Variants in AP4M1 observed in about 807,000 individuals in gnomAD.
AP4M1 encodes the protein adaptor related protein complex 4 subunit mu 1, also known as AP-4 complex subunit mu-1.
Under a neutral mutation model 62.4 loss-of-function variants are expected in AP4M1, and 58 were observed. That is an observed-to-expected ratio of 0.93 (90% confidence interval 0.75 to 1.16). The LOEUF (loss-of-function observed/expected upper bound fraction) is 1.16, where lower values mean the gene tolerates loss of function less well. AP4M1 is among the 50% of genes most tolerant of loss of function. The probability of loss-of-function intolerance (pLI) is 0.00; values close to 1 mark genes in which losing one functional copy is unlikely to be tolerated. For synonymous variants in AP4M1, 290 were observed against 239.7 expected, an observed-to-expected ratio of 1.21 and a Z score of -1.94; for missense variants, 626 against 585.4, an observed-to-expected ratio of 1.07 and a Z score of -0.72.
upstream of AP4M1, chr7:100,100,919 G>A (rs1252609646): frequency 2.8e-6 from 3 of 1,056,230 alleles, no homozygotes; most frequent in Admixed American, 4.9e-5. Context: ...AAAGCGCGAA[G>A]GAAAGCGGGC....
chr7:100,107,405 A>C lies in AP4M1; in HGVS notation c.*523A>C. The stretch of plus-strand genomic sequence containing the variant: ...ACGATGCCGGGGGAGGAACTGGAGA[A>C]GGATGGGAGGTGGGGCCTCCTTTGC... On this transcript the variant is annotated 3_prime_UTR_variant, in exon 15 of 15. Coordinates refer to ENST00000359593, the MANE Select transcript of AP4M1 (RefSeq NM_004722.4). 6.2e-7 allele frequency: 1 copy of C among 1,604,326 alleles called. No homozygotes were observed. The highest frequency in any genetic ancestry group is 2.2e-5 in the East Asian group (1 of 44,654).
chr7:100,105,162 T>G lies in AP4M1; in HGVS notation c.727+64T>G, dbSNP rs534691439. On this transcript the variant is annotated intron_variant, in intron 9 of 14. Transcript: ENST00000359593. ...CATTGCCAGAGTTCATGGAGAGAAG[T>G]CAGACAGAGCCTCCCCTCTCCTTGC... The G allele has an allele frequency of 3.8e-5, 62 of 1,611,454 alleles. No homozygotes were observed. In the African/African-American group the frequency reaches 7.5e-4, roughly 19 times the overall value.
rs373162905 is a variant in AP4M1, at chr7:100,105,538, C to T, written c.928C>T (p.Arg310Trp). The stretch of plus-strand genomic sequence containing the variant: ...TGTGCAGTGGGACCGAGGCTCAGGC[C>T]GGTGAGACAATTTCCTGGGTTCTAG... ...PSVQWDRGSG[R>W]LQVYLKLRCD... The change falls in exon 11 of 15, where the codon CGG (arginine) becomes TGG (tryptophan). Residue 310 changes from arginine to tryptophan, a missense_variant and splice_region_variant. By Grantham distance (101) the Arg-to-Trp change is moderately radical. Coordinates refer to ENST00000359593, the MANE Select transcript of AP4M1 (RefSeq NM_004722.4). 24 of 1,612,382 alleles carry T rather than the reference C, an allele frequency of 1.5e-5. No homozygotes were observed. Among genetic ancestry groups the T allele is most frequent in the Middle Eastern group, 1.7e-4 (1 of 6,060 alleles).
In AP4M1 at chr7:100,106,023, G is replaced by A. The variant is rs1413232569; in HGVS notation, c.974+20G>A. ...AAAGAGGTAAGAGTGAGGCTGGCCT[G>A]GCTGAGTTCAGCTCTATGGGACGGA... On this transcript the variant is annotated intron_variant, in intron 12 of 14. Transcript: ENST00000359593. 6.2e-7 allele frequency: 1 copy of A among 1,613,952 alleles called. No individual in the cohort carries two copies. The highest frequency in any genetic ancestry group is 8.5e-7 in the Non-Finnish European group (1 of 1,179,826).
intron 7 of AP4M1, among the ~76,000 whole-genome samples, chr7:100,104,560 G>A (rs1300153339): frequency 1.3e-5 from 2 of 152,086 alleles, no homozygotes; most frequent in African/African-American, 2.4e-5. Flanking sequence ...GCTGGGCACA[G>A]TGGCTCATGC....
chr7:100,105,626 G>A (rs1278084197), intron 11 of AP4M1, 87 bp downstream of exon 11: 2 of 1,334,814 alleles, frequency 1.5e-6, no homozygotes, highest in South Asian at 1.2e-5. Context: ...AGTGGGGGTG[G>A]TGGTAGTGGT....
Position 100,107,090 on chromosome 7 carries a change from T to C in AP4M1, c.*208T>C. 7.6e-7 allele frequency: 1 copy of C among 1,310,320 alleles called. No individual in the cohort carries two copies. Among genetic ancestry groups the C allele is most frequent in the East Asian group, 2.5e-5 (1 of 39,502 alleles). 81.2% of individuals were successfully genotyped at this position (1,310,320 alleles called of 1,614,324 possible). A position where few individuals can be genotyped will look rare whatever the true frequency, so the allele number is the denominator to read the frequency against. On this transcript the variant is annotated 3_prime_UTR_variant, in exon 15 of 15. Transcript: ENST00000359593. Reference sequence around the variant, plus strand: ...GTGGATCAGAACTTACAAACCAAACTTTTATTCTGAGAAACTGGCTGTACA... The same window carrying C: ...GTGGATCAGAACTTACAAACCAAACCTTTATTCTGAGAAACTGGCTGTACA...
chr7:100,104,212 G>A, intron 7 of AP4M1, 58 bp downstream of exon 7: 3 of 1,512,478 alleles, frequency 2.0e-6, no homozygotes, highest in South Asian at 1.1e-5. Flanking sequence ...GAAACATGGT[G>A]GGGTGGCTAA....
rs2116614199 is a variant in AP4M1, at chr7:100,101,775, A to G, written c.58+3A>G. The G allele has an allele frequency of 8.2e-6, 13 of 1,593,874 alleles. No homozygotes were observed. The highest frequency in any genetic ancestry group is 8.6e-6 in the Non-Finnish European group (10 of 1,167,260). Reference sequence around the variant, plus strand: ...GGACCCGCTCATCTACAAAGACTGTATCCTAGACCCTTGGGGCTGGGAAGG... The same window carrying G: ...GGACCCGCTCATCTACAAAGACTGTGTCCTAGACCCTTGGGGCTGGGAAGG... On this transcript the variant is annotated splice_donor_region_variant and intron_variant, in intron 1 of 14. Transcript: ENST00000359593.
At chr7:100,101,246 G>C, upstream of AP4M1, 1 of 1,613,008 alleles carries the variant, frequency 6.2e-7, no homozygotes. Flanking sequence ...ACGCCCTCCC[G>C]GGCTCGTAGA....
chr7:100,101,777 C>T lies in AP4M1; in HGVS notation c.58+5C>T, dbSNP rs780489658. ...ACCCGCTCATCTACAAAGACTGTAT[C>T]CTAGACCCTTGGGGCTGGGAAGGGG... On this transcript the variant is annotated splice_donor_5th_base_variant and intron_variant, in intron 1 of 14. Transcript: ENST00000359593. 8 of 1,612,852 alleles carry T rather than the reference C, an allele frequency of 5.0e-6. No individual in the cohort carries two copies. The highest frequency in any genetic ancestry group is 6.8e-6 in the Non-Finnish European group (8 of 1,179,266).
rs777352543 is a variant in AP4M1, at chr7:100,105,343, C to G, written c.831C>G (p.Gly277=). ...HRILRLQPPQ[G]ELTVMRYQLS... ...TCCTCCGCTTGCAACCACCTCAGGG[C>G]GAGGTCAGGGTTGGGGTGGCCTCAT... Residue 277 remains glycine (G), a synonymous_variant, in exon 10 of 15, where the codon GGC becomes GGG. Transcript: ENST00000359593. 6.2e-7 allele frequency: 1 copy of G among 1,613,832 alleles called. No homozygotes were observed. The highest frequency in any genetic ancestry group is 8.5e-7 in the Non-Finnish European group (1 of 1,179,954).
chr7:100,101,088 C>G (rs1361739888), upstream of AP4M1: 3 of 779,326 alleles, frequency 3.8e-6, no homozygotes, highest in Admixed American at 8.3e-5. Context: ...TCGATGGCCC[C>G]CCGCACGCTT....
rs149661783 is a variant in AP4M1, at chr7:100,101,771, C to T, written c.57C>T (p.Asp19=). ...SSKGDPLIYK[D]FRGDSGGRDV... ...AGGGGGACCCGCTCATCTACAAAGA[C>T]TGTATCCTAGACCCTTGGGGCTGGG... Residue 19 remains aspartate (D), a splice_region_variant and synonymous_variant, in exon 1 of 15, where the codon GAC becomes GAT. Coordinates refer to ENST00000359593, the MANE Select transcript of AP4M1 (RefSeq NM_004722.4). 25 of 1,507,782 alleles carry T rather than the reference C, an allele frequency of 1.7e-5. No individual in the cohort carries two copies. In the African/African-American group the frequency reaches 3.0e-4, roughly 18 times the overall value. The allele number at this position is 1,507,782 out of a possible 1,614,324, so 93.4% of individuals were successfully genotyped here. A position where few individuals can be genotyped will look rare whatever the true frequency, so the allele number is the denominator to read the frequency against.
intron 4 of AP4M1, chr7:100,103,171 A>C: frequency 1.5e-6 from 1 of 653,486 alleles, no homozygotes. Context: ...TCCTGGGCTC[A>C]AGCCGTCCTC....
Position 100,108,080 on chromosome 7 carries a change from G to A in AP4M1, c.*1198G>A. 2 of 1,611,212 alleles carry A rather than the reference G, an allele frequency of 1.2e-6. No individual in the cohort carries two copies. The highest frequency in any genetic ancestry group is 1.7e-6 in the Non-Finnish European group (2 of 1,179,318). ...AACCTTCAGCAAGCCAGGGGTGCGA[G>A]GGCCAGGCTGTGGGGCCTGCGAGAG... On this transcript the variant is annotated 3_prime_UTR_variant, in exon 15 of 15. Coordinates refer to ENST00000359593, the MANE Select transcript of AP4M1 (RefSeq NM_004722.4).
At position 100,101,784 on chromosome 7, in the gene AP4M1, C is replaced by T. The variant is rs189367118; in HGVS notation, c.58+12C>T. The T allele has an allele frequency of 2.4e-3, 3,735 of 1,577,702 alleles. 43 individuals are homozygous for T. The African/African-American group carries it at 0.035, about 15-fold the overall frequency. The stretch of plus-strand genomic sequence containing the variant: ...CATCTACAAAGACTGTATCCTAGAC[C>T]CTTGGGGCTGGGAAGGGGCGGAGGG... On this transcript the variant is annotated intron_variant, in intron 1 of 14. Transcript: ENST00000359593.
chr7:100,102,847 T>C lies in AP4M1; in HGVS notation c.255-17T>C, dbSNP rs1320860086. The C allele has an allele frequency of 6.2e-7, 1 of 1,613,922 alleles. No individual in the cohort carries two copies. Among genetic ancestry groups the C allele is most frequent in the East Asian group, 2.2e-5 (1 of 44,874 alleles). ...TCTGAGAGGAGGAGAAAATACACGCTCCAAGTGTTTCCTCAGGTTGGCCAC... is the reference window on the plus strand; with the variant it reads ...TCTGAGAGGAGGAGAAAATACACGCCCCAAGTGTTTCCTCAGGTTGGCCAC... On this transcript the variant is annotated splice_polypyrimidine_tract_variant and intron_variant, in intron 3 of 14. Coordinates refer to ENST00000359593, the MANE Select transcript of AP4M1 (RefSeq NM_004722.4).
chr7:100,102,429 A>G (rs934063871), intron 2 of AP4M1: 14 of 434,262 alleles, frequency 3.2e-5, no homozygotes, highest in African/African-American at 2.3e-4. Flanking sequence ...AAAAGAGTCA[A>G]TGGGCGCCAG....
Sources: allele counts gnomAD v4.1 joint callset (sites outside exome capture counted in the v4.1 genomes callset), GRCh38; gene constraint gnomAD v4.1.1; transcripts MANE v1.5; gene names NCBI Gene and HGNC (gene_info 2026-07-23, HGNC 2026-07-21).